The following LDLRAD4 variants were observed in gnomAD, a reference collection of about 807,000 sequenced individuals.
LDLRAD4 encodes the protein low-density lipoprotein receptor class A domain-containing protein 4.
A neutral mutation model predicts 17.0 loss-of-function variants in LDLRAD4; 5 were observed. The observed-to-expected ratio is 0.29, with a 90% CI of 0.15 to 0.62. The LOEUF is 0.62. LDLRAD4 is among the 20% of genes least tolerant of loss of function. LDLRAD4 has a pLI of 0.84. For missense variants in LDLRAD4, 340 were observed against 424.7 expected (o/e 0.80, Z 1.75); for synonymous variants, 168 against 171.8 (o/e 0.98, Z 0.17).
At chr18:13,386,897 TAGATAGA>T (rs1169783905) in intron 1 of LDLRAD4, among the ~76,000 whole-genome samples, 1 of 19,558 alleles carries the variant, frequency 5.1e-5, no homozygotes, top group Admixed American at 6.2e-4. Context: ...CATTCATAGA[TAGATAGA>T]TAGATAGATA....
At chr18:13,471,847 A>C (rs771853523) in intron 3 of LDLRAD4, 12 of 152,064 alleles carry the variant, frequency 7.9e-5, no homozygotes, top group South Asian at 2.1e-4. Context: ...GTTTTATTTT[A>C]TTTTCTTTCA....
At chr18:13,432,254 C>A (rs1035911991) in intron 2 of LDLRAD4, among the ~76,000 whole-genome samples, 1 of 152,186 alleles carries the variant, frequency 6.6e-6, no homozygotes, top group Admixed American at 6.5e-5. Context: ...TTTCTGAAAA[C>A]TCTCAAAGCT....
chr18:13,334,392 C>T (rs950278526), intron 1 of LDLRAD4, among the ~76,000 whole-genome samples: 6 of 152,120 alleles, frequency 3.9e-5, no homozygotes, highest in Non-Finnish European at 7.4e-5. Flanking sequence ...CATGTGCCAG[C>T]ACGCCTGGCT....
intron 1 of LDLRAD4, among the ~76,000 whole-genome samples, chr18:13,294,206 T>G (rs2046136874): frequency 6.6e-6 from 1 of 152,168 alleles, no homozygotes; most frequent in African/African-American, 2.4e-5. Context: ...TTTAACTCTG[T>G]AAAGTAAGCT....
At chr18:13,382,249 A>C (rs983694434) in intron 1 of LDLRAD4, among the ~76,000 whole-genome samples, 2 of 152,302 alleles carry the variant, frequency 1.3e-5, no homozygotes, top group South Asian at 4.2e-4. Flanking sequence ...TGTGACCCTC[A>C]CATTTCCTGA....
chr18:13,598,875 G>C (rs1335065673), intron 3 of LDLRAD4, among the ~76,000 whole-genome samples: 1 of 152,196 alleles, frequency 6.6e-6, no homozygotes, highest in Non-Finnish European at 1.5e-5. Flanking sequence ...GGATGGGCAG[G>C]ACACTGGGTA....
chr18:13,618,333 G>T (rs1043031143), intron 3 of LDLRAD4, among the ~76,000 whole-genome samples: 1 of 152,218 alleles, frequency 6.6e-6, no homozygotes. Flanking sequence ...AGTCAGGGGC[G>T]CTGTGGGTTG....
intron 3 of LDLRAD4, among the ~76,000 whole-genome samples, chr18:13,503,426 C>G (rs2093643998): frequency 6.6e-6 from 1 of 152,154 alleles, no homozygotes; most frequent in South Asian, 2.1e-4. Context: ...GGTCCCTTCT[C>G]CTAAGTAAAA....
chr18:13,291,582 G>A (rs1049511206), intron 1 of LDLRAD4, among the ~76,000 whole-genome samples: 7 of 151,964 alleles, frequency 4.6e-5, no homozygotes, highest in African/African-American at 1.7e-4. Flanking sequence ...CTCTTCCTTC[G>A]CCCACAGTAG....
intron 3 of LDLRAD4, among the ~76,000 whole-genome samples, chr18:13,565,701 A>G (rs1183335431): frequency 6.6e-6 from 1 of 152,180 alleles, no homozygotes; most frequent in East Asian, 1.9e-4. Flanking sequence ...TTTCTCTGCC[A>G]TGGGAAGGAG....
At chr18:13,649,335 A>G (rs2043145334) in exon 6 of LDLRAD4, 1 of 152,270 alleles carries the variant, frequency 6.6e-6, no homozygotes, top group South Asian at 2.1e-4. Context: ...TCTCTGACCT[A>G]GAAGAATCCA....
intron 1 of LDLRAD4, among the ~76,000 whole-genome samples, chr18:13,324,988 C>T (rs753388271): frequency 7.9e-5 from 12 of 152,180 alleles, no homozygotes; most frequent in African/African-American, 1.9e-4. Context: ...GCATTTTACA[C>T]GGGATAAAGT....
intron 1 of LDLRAD4, among the ~76,000 whole-genome samples, chr18:13,386,373 AT>A (rs5823250): frequency 0.56 from 82,357 of 148,120 alleles, 22,758 homozygotes; most frequent in Admixed American, 0.59. Context: ...TTATTATTCT[AT>A]TTTTTTTTTT....
chr18:13,522,528 T>A (rs987087077), intron 3 of LDLRAD4: 6 of 152,262 alleles, frequency 3.9e-5, no homozygotes, highest in African/African-American at 1.4e-4. Context: ...ACTGCAAATG[T>A]GATCTGTTTT....
intron 1 of LDLRAD4, among the ~76,000 whole-genome samples, chr18:13,292,691 C>T (rs141591622): frequency 4.6e-5 from 7 of 152,336 alleles, no homozygotes; most frequent in African/African-American, 1.7e-4. Flanking sequence ...TTCTTGGTTT[C>T]TGCTTTCTTC....
At chr18:13,303,314 A>G (rs2046716222) in intron 1 of LDLRAD4, among the ~76,000 whole-genome samples, 1 of 152,212 alleles carries the variant, frequency 6.6e-6, no homozygotes, top group Admixed American at 6.5e-5. Context: ...TGGTACGATC[A>G]TAGCTCACTG....
chr18:13,274,313 T>A (rs2044730753), upstream of LDLRAD4, among the ~76,000 whole-genome samples: 1 of 152,208 alleles, frequency 6.6e-6, no homozygotes, highest in Non-Finnish European at 1.5e-5. Context: ...CTGGAGCCGT[T>A]GATCTCTTGG....
chr18:13,426,200 C>T (rs768208125), intron 2 of LDLRAD4: 39 of 152,282 alleles, frequency 2.6e-4, no homozygotes, highest in African/African-American at 8.9e-4. Flanking sequence ...GGGTTTTAAG[C>T]CCCTGCTCCT....
At chr18:13,545,290 G>A (rs950651787) in intron 3 of LDLRAD4, among the ~76,000 whole-genome samples, 70 of 152,134 alleles carry the variant, frequency 4.6e-4, no homozygotes, top group African/African-American at 1.7e-3. Flanking sequence ...CAGGGCAGAC[G>A]CCTGGAACTG....
Sources: gnomAD v4.1 joint callset for allele counts (sites outside exome capture counted in the v4.1 genomes callset) on GRCh38, gnomAD v4.1.1 for gene constraint, MANE v1.5 for transcripts, NCBI Gene and HGNC (gene_info 2026-07-23, HGNC 2026-07-21) for gene names.